Variants in ARHGAP39 observed in about 807,000 individuals in gnomAD.
ARHGAP39 encodes Rho GTPase activating protein 39.
ARHGAP39 carries 44 observed loss-of-function variants against 106.9 expected under a neutral mutation model. The ratio of observed to expected loss-of-function variants is 0.41; its 90% confidence interval spans 0.32 to 0.53. The LOEUF is 0.53. ARHGAP39 is among the 20% of genes least tolerant of loss of function. The pLI is 0.21. For synonymous variants in ARHGAP39, 768 were observed against 693.2 expected, an observed-to-expected ratio of 1.11 and a Z score of -1.69; for missense variants, 1,496 against 1,577.3, an observed-to-expected ratio of 0.95 and a Z score of 0.87.
chr8:144,682,162 G>A (rs568902978), intron 1 of ARHGAP39, among the ~76,000 whole-genome samples: 42 of 147,846 alleles, frequency 2.8e-4, no homozygotes, highest in Admixed American at 2.4e-3. Context: ...GGAGAATGGC[G>A]TGAACTTGGG....
At chr8:144,602,848 G>GT (rs1491512183) in intron 2 of ARHGAP39, among the ~76,000 whole-genome samples, 2 of 139,186 alleles carry the variant, frequency 1.4e-5, no homozygotes, top group Non-Finnish European at 3.1e-5. Flanking sequence ...GGAGGCGTGC[G>GT]TGTGAGCTCG....
intron 7 of ARHGAP39, among the ~76,000 whole-genome samples, chr8:144,537,439 C>T (rs1053530112): frequency 2.6e-5 from 4 of 152,260 alleles, no homozygotes; most frequent in Admixed American, 2.6e-4. Flanking sequence ...CTCCAGGAGC[C>T]CTCAGCCGGC....
intron 1 of ARHGAP39, among the ~76,000 whole-genome samples, chr8:144,610,605 G>A (rs1330159931): frequency 1.3e-5 from 2 of 151,892 alleles, no homozygotes; most frequent in African/African-American, 2.4e-5. Flanking sequence ...CCAGCAACTC[G>A]AAAGGCTGAG....
At chr8:144,546,578 C>T (rs935510537) in intron 5 of ARHGAP39, among the ~76,000 whole-genome samples, 5 of 152,202 alleles carry the variant, frequency 3.3e-5, no homozygotes, top group African/African-American at 1.2e-4. Context: ...CAGAGGTGCA[C>T]GTGGCCTCCA....
intron 1 of ARHGAP39, among the ~76,000 whole-genome samples, chr8:144,608,158 A>G (rs1447530778): frequency 1.9e-5 from 1 of 52,016 alleles, no homozygotes; most frequent in Non-Finnish European, 5.3e-5. Flanking sequence ...CTCTGTCTCA[A>G]AAAAAAAAAA....
intron 1 of ARHGAP39, among the ~76,000 whole-genome samples, chr8:144,609,638 A>G (rs920730290): frequency 6.6e-6 from 1 of 151,978 alleles, no homozygotes; most frequent in African/African-American, 2.4e-5. Context: ...TCCTGGCCTC[A>G]TGATCCACCG....
chr8:144,530,368 A>G lies in ARHGAP39; in HGVS notation c.*54T>C, dbSNP rs1258207845. Reference sequence around the variant, plus strand: ...CCCTCTGCCGGGAGAGCGAGTGCGGAGTTCGGCCTGGCTGGGGGCGGCAGG... The same window carrying G: ...CCCTCTGCCGGGAGAGCGAGTGCGGGGTTCGGCCTGGCTGGGGGCGGCAGG... On this transcript the variant is annotated 3_prime_UTR_variant, in exon 12 of 12. Transcript: ENST00000377307. 1 of 1,520,926 alleles carries G rather than the reference A, an allele frequency of 6.6e-7. No individual in the cohort carries two copies. Among genetic ancestry groups the G allele is most frequent in the Non-Finnish European group, 8.9e-7 (1 of 1,124,310 alleles). 94.2% of individuals were successfully genotyped at this position (1,520,926 alleles called of 1,614,324 possible). A position where few individuals can be genotyped will look rare whatever the true frequency, so the allele number is the denominator to read the frequency against.
chr8:144,650,239 C>T (rs537575309), intron 1 of ARHGAP39, among the ~76,000 whole-genome samples: 5 of 152,228 alleles, frequency 3.3e-5, no homozygotes, highest in South Asian at 2.1e-4. Context: ...TAACAAGCTC[C>T]GAGATGGAAT....
intron 11 of ARHGAP39, 38 bp downstream of exon 11, chr8:144,530,664 G>T (rs1376950371): frequency 2.6e-6 from 3 of 1,138,430 alleles, no homozygotes; most frequent in Non-Finnish European, 2.5e-6. Flanking sequence ...GCGGGGCGGG[G>T]AGGGGAAAGC....
At chr8:144,606,320 C>T (rs1410264302) in intron 1 of ARHGAP39, among the ~76,000 whole-genome samples, 1 of 152,212 alleles carries the variant, frequency 6.6e-6, no homozygotes, top group African/African-American at 2.4e-5. Context: ...TCTTCCTCCT[C>T]TGCCTCCCCT....
At chr8:144,578,696 C>T (rs1333340441) in intron 3 of ARHGAP39, among the ~76,000 whole-genome samples, 2 of 151,804 alleles carry the variant, frequency 1.3e-5, no homozygotes, top group Non-Finnish European at 2.9e-5. Flanking sequence ...AAAAAAAATA[C>T]AAAAATTAGC....
chr8:144,690,255 G>C (rs1347470486), upstream of ARHGAP39, among the ~76,000 whole-genome samples: 1 of 152,080 alleles, frequency 6.6e-6, no homozygotes, highest in Non-Finnish European at 1.5e-5. Context: ...TGAGATTACA[G>C]GTGCCTGCCA....
At chr8:144,672,473 A>G (rs1457038239) in intron 1 of ARHGAP39, among the ~76,000 whole-genome samples, 1 of 152,208 alleles carries the variant, frequency 6.6e-6, no homozygotes, top group East Asian at 1.9e-4. Context: ...AGATGAAAGG[A>G]GCATGGCAAG....
rs188051272 is a variant in ARHGAP39, at chr8:144,560,983, A to G, written c.513-5340T>C. ...AAGGAAAACTGTTCACTGATGGGAA[A>G]TTAATTACATTGTGTTGATTATGGC... On this transcript the variant is annotated intron_variant, in intron 3 of 11. Transcript: ENST00000377307. Among the ~76,000 whole-genome samples, 616 of 152,394 alleles carry G rather than the reference A, an allele frequency of 4.0e-3. 13 individuals are homozygous for G. Among genetic ancestry groups the G allele is most frequent in the Non-Finnish European group, 8.7e-4 (59 of 68,044 alleles).
At chr8:144,578,004 T>C (rs1423026402) in intron 3 of ARHGAP39, among the ~76,000 whole-genome samples, 4 of 152,114 alleles carry the variant, frequency 2.6e-5, no homozygotes, top group East Asian at 1.9e-4. Flanking sequence ...TTTGTTGTTG[T>C]TAAAAGAAAT....
chr8:144,618,875 C>A (rs565456227), intron 1 of ARHGAP39, among the ~76,000 whole-genome samples: 4 of 152,250 alleles, frequency 2.6e-5, no homozygotes, highest in East Asian at 3.8e-4. Flanking sequence ...GCCACCGTGG[C>A]GGGCACAGTT....
At chr8:144,623,559 C>T (rs115423911) in intron 1 of ARHGAP39, among the ~76,000 whole-genome samples, 1,898 of 152,346 alleles carry the variant, frequency 0.012, 39 homozygotes, top group African/African-American at 0.044. Context: ...ACCTGACAGG[C>T]GGCCTCGCGG....
intron 1 of ARHGAP39, among the ~76,000 whole-genome samples, chr8:144,666,886 G>A (rs1286227826): frequency 2.6e-5 from 4 of 152,056 alleles, no homozygotes; most frequent in South Asian, 2.1e-4. Context: ...CCCACCTCCC[G>A]TGAAAAAGAG....
chr8:144,686,281 C>G (rs1360663608), upstream of ARHGAP39, among the ~76,000 whole-genome samples: 1 of 152,072 alleles, frequency 6.6e-6, no homozygotes, highest in Non-Finnish European at 1.5e-5. Context: ...GTGGCGGGCT[C>G]GTGTCTCTTC....
Sources: gnomAD v4.1 joint callset for allele counts (sites outside exome capture counted in the v4.1 genomes callset) on GRCh38, gnomAD v4.1.1 for gene constraint, MANE v1.5 for transcripts, NCBI Gene and HGNC (gene_info 2026-07-23, HGNC 2026-07-21) for gene names.